The following PCDH19 variants were observed in gnomAD, a reference collection of about 807,000 sequenced individuals.
The protein encoded by PCDH19 is protocadherin 19, also known as protocadherin-19.
In PCDH19, 6 loss-of-function variants were observed where a neutral mutation model predicts 46.2. That is an observed-to-expected ratio of 0.13 (90% CI 0.07 to 0.26). The LOEUF (loss-of-function observed/expected upper bound fraction) is 0.26, where lower values mean the gene tolerates loss of function less well. Ranked by LOEUF, PCDH19 falls within the 10% of genes least tolerant of loss-of-function variation. The probability of loss-of-function intolerance (pLI) is 1.00; values close to 1 mark genes in which losing one functional copy is unlikely to be tolerated. For missense variants in PCDH19, 740 were observed against 972.3 expected, an observed-to-expected ratio of 0.76 and a Z score of 3.18; for synonymous variants, 481 against 415.7, an observed-to-expected ratio of 1.16 and a Z score of -1.91.
chrX:100,308,344 T>C (rs756844632), intron 5 of PCDH19, among the ~76,000 whole-genome samples: 113 of 111,435 alleles, frequency 1.0e-3, no homozygotes, highest in African/African-American at 3.6e-3. Flanking sequence ...CTTAGAAGAA[T>C]GAAACTGGAT....
chrX:100,310,416 T>TG (rs1018810080), intron 5 of PCDH19, among the ~76,000 whole-genome samples: 2 of 111,256 alleles, frequency 1.8e-5, no homozygotes, highest in African/African-American at 6.5e-5. Context: ...TAAGAGGTGC[T>TG]GACAGTGACT....
intron 4 of PCDH19, among the ~76,000 whole-genome samples, chrX:100,343,258 T>C (rs1454355844): frequency 9.0e-6 from 1 of 111,462 alleles, no homozygotes; most frequent in African/African-American, 3.3e-5. Flanking sequence ...GATTATGAGA[T>C]TCCTCAGCCC....
chrX:100,367,701 A>T (rs920267904), intron 3 of PCDH19, among the ~76,000 whole-genome samples: 4 of 111,493 alleles, frequency 3.6e-5, no homozygotes, highest in Non-Finnish European at 5.7e-5. Flanking sequence ...TAAAGGCTCC[A>T]CCTTTTAATA....
In PCDH19 at chrX:100,408,668, T is replaced by G; in HGVS notation, c.-71A>C. ...AGACCGACGCCGTCGGCGCTCCAGCTTCCCGCCGGCTCGGGCCGCCTGTTG... is the reference window on the plus strand; with the variant it reads ...AGACCGACGCCGTCGGCGCTCCAGCGTCCCGCCGGCTCGGGCCGCCTGTTG... On this transcript the variant is annotated 5_prime_UTR_variant, in exon 1 of 6. Coordinates refer to ENST00000373034, the MANE Select transcript of PCDH19 (RefSeq NM_001184880.2). The G allele has an allele frequency of 3.2e-6, 3 of 935,855 alleles. No individual in the cohort carries two copies. Among genetic ancestry groups the G allele is most frequent in the Non-Finnish European group, 4.4e-6 (3 of 676,476 alleles). 77.1% of individuals were successfully genotyped at this position (935,855 alleles called of 1,213,427 possible).
intron 5 of PCDH19, among the ~76,000 whole-genome samples, chrX:100,330,054 G>A (rs756649101): frequency 8.9e-6 from 1 of 112,428 alleles, no homozygotes; most frequent in East Asian, 2.8e-4. Context: ...TCAACAGTGT[G>A]CAACCTGACT....
At position 100,322,833 on chromosome X, in the gene PCDH19, GTATATATATA is replaced by G. The variant is rs60720039; in HGVS notation, c.2848+19060_2848+19069del. 7.8e-4 allele frequency among the ~76,000 whole-genome samples: 38 copies of G among 48,797 alleles called. 1 individual carries two copies. Among genetic ancestry groups the G allele is most frequent in the South Asian group, 3.6e-3 (3 of 839 alleles). 42.4% of individuals were successfully genotyped at this position (48,797 alleles called of 115,157 possible). A position where few individuals can be genotyped will look rare whatever the true frequency, so the allele number is the denominator to read the frequency against. ...CCTCCTTGGTTAGGTATATTCCTAAGTATATATATATATATATATATATATATATATATTT... is the reference window on the plus strand; with the variant it reads ...CCTCCTTGGTTAGGTATATTCCTAAGTATATATATATATATATATATATTT... On this transcript the variant is annotated intron_variant, in intron 5 of 5. Transcript: ENST00000373034.
chrX:100,379,962 G>C (rs1927505451), intron 3 of PCDH19, among the ~76,000 whole-genome samples: 1 of 111,866 alleles, frequency 8.9e-6, no homozygotes, highest in African/African-American at 3.2e-5. Context: ...GAATGGATTT[G>C]AGCCACAAAC....
intron 3 of PCDH19, among the ~76,000 whole-genome samples, chrX:100,363,260 C>T (rs1333969598): frequency 2.8e-5 from 3 of 106,743 alleles, no homozygotes; most frequent in Non-Finnish European, 3.9e-5. Flanking sequence ...GCCAAGATCA[C>T]GCCACTGCAC....
rs369379155 is a variant in PCDH19, at chrX:100,341,953, T to C, written c.2798A>G (p.Asp933Gly). The change falls in exon 5 of 6, where the codon GAT (aspartate) becomes GGT (glycine). Residue 933 changes from aspartate (D) to glycine (G), a missense_variant. Asp to Gly is a moderately conservative substitution (Grantham distance 94, BLOSUM62 -1). Around this residue, in one of 5 missense-constraint regions of PCDH19, gnomAD observed 416 missense variants for 476.8 expected, o/e 0.87. Coordinates refer to ENST00000373034, the MANE Select transcript of PCDH19 (RefSeq NM_001184880.2). ...GGAGGTCACACTGGTGTTCAGCACA[T>C]CGTTGACAGCAGTATCACAATACAG... ...RSLYCDTAVNDVLNTSVTSMG... is the reference protein window; with the variant it reads ...RSLYCDTAVNGVLNTSVTSMG... The C allele has an allele frequency of 2.5e-6, 3 of 1,207,907 alleles. No individual in the cohort carries two copies. Among genetic ancestry groups the C allele is most frequent in the Admixed American group, 2.2e-5 (1 of 45,707 alleles).
At chrX:100,337,648 G>A (rs1259106043) in intron 5 of PCDH19, among the ~76,000 whole-genome samples, 1 of 112,078 alleles carries the variant, frequency 8.9e-6, no homozygotes, top group African/African-American at 3.2e-5. Context: ...AGAGATTCCT[G>A]TCATTCTCTC....
At chrX:100,389,637 A>G (rs974740312) in intron 3 of PCDH19, among the ~76,000 whole-genome samples, 3 of 111,802 alleles carry the variant, frequency 2.7e-5, no homozygotes, top group Non-Finnish European at 5.6e-5. Flanking sequence ...GAGTCAAAAC[A>G]TCAAGTTGTA....
At chrX:100,372,446 T>C (rs1349233881) in intron 3 of PCDH19, among the ~76,000 whole-genome samples, 1 of 111,728 alleles carries the variant, frequency 9.0e-6, no homozygotes, top group Non-Finnish European at 1.9e-5. Flanking sequence ...CAACTGAAAG[T>C]AAAATAGAGG....
At chrX:100,385,232 A>G (rs1352757239) in intron 3 of PCDH19, among the ~76,000 whole-genome samples, 1 of 110,562 alleles carries the variant, frequency 9.0e-6, no homozygotes, top group Non-Finnish European at 1.9e-5. Flanking sequence ...CAGCTTCACC[A>G]GATTGGTGGT....
At chrX:100,402,989 T>A (rs1378050556) in intron 2 of PCDH19, 138 bp from the exon 3 acceptor site, 1 of 521,735 alleles carries the variant, frequency 1.9e-6, no homozygotes. Context: ...TCATCGGGTT[T>A]CTCCCTGTGC....
rs752545524 is a variant in PCDH19 at position 100,406,465 on chromosome X, C to A, written c.2133G>T (p.Arg711=). Residue 711 remains arginine (R), a synonymous_variant, in exon 1 of 6, where the codon CGG becomes CGT. Transcript: ENST00000373034. ...CTTGGCTTTACCTGCAGTTGTAGGT[C>A]CGGATCTCTTTGTTGTCTCGCTTGC... The part of the protein sequence containing the change: ...IKCKRDNKEI[R]TYNCSNCLTI... 8.3e-7 allele frequency: 1 copy of A among 1,203,870 alleles called. No individual in the cohort carries two copies. Among genetic ancestry groups the A allele is most frequent in the South Asian group, 1.8e-5 (1 of 55,762 alleles).
chrX:100,326,433 AT>A (rs1161726906), intron 5 of PCDH19, among the ~76,000 whole-genome samples: 1 of 111,961 alleles, frequency 8.9e-6, no homozygotes, highest in African/African-American at 3.3e-5. Flanking sequence ...CCCCTCATTT[AT>A]TTTTTAATGA....
chrX:100,395,042 C>T (rs982384888), intron 3 of PCDH19, among the ~76,000 whole-genome samples: 2 of 110,201 alleles, frequency 1.8e-5, no homozygotes, highest in East Asian at 2.9e-4. Flanking sequence ...CGCCCGCCAC[C>T]ACGCCCGGCT....
Position 100,294,753 on chromosome X carries a change from T to C in PCDH19, c.*1524A>G, listed in dbSNP as rs774811648. ...TTTAGTTTATTTTTAAATAATGAAC[T>C]CTTAGGCTGCAAAAATACTATGTTG... On this transcript the variant is annotated 3_prime_UTR_variant, in exon 6 of 6. Transcript: ENST00000373034. The C allele has an allele frequency of 2.7e-5, 3 of 111,556 alleles. No individual in the cohort carries two copies. The highest frequency in any genetic ancestry group is 5.7e-5 in the Non-Finnish European group (3 of 53,014). The allele number at this position is 111,556 out of a possible 1,213,427, so 9.2% of individuals were successfully genotyped here. A position where few individuals can be genotyped will look rare whatever the true frequency, so the allele number is the denominator to read the frequency against.
chrX:100,321,821 G>A (rs1416015863), intron 5 of PCDH19, among the ~76,000 whole-genome samples: 17 of 75,931 alleles, frequency 2.2e-4, no homozygotes, highest in South Asian at 8.9e-4. Flanking sequence ...ACAGAGTCTC[G>A]CTCTGTCGCT....
Sources: gnomAD v4.1 joint callset for allele counts (sites outside exome capture counted in the v4.1 genomes callset) on GRCh38, gnomAD v4.1.1 for gene constraint, gnomAD v4.1.1 regional missense constraint, MANE v1.5 for transcripts, NCBI Gene and HGNC (gene_info 2026-07-23, HGNC 2026-07-21) for gene names.